Variants in LINGO2 observed in about 807,000 individuals in gnomAD.
The protein encoded by LINGO2 is leucine rich repeat and Ig domain containing 2.
A neutral mutation model predicts 30.6 loss-of-function variants in LINGO2; 14 were observed. The observed-to-expected ratio is 0.46, with a 90% CI of 0.30 to 0.72. LINGO2 has a LOEUF of 0.72. Ranked by LOEUF, LINGO2 falls within the 30% of genes least tolerant of loss-of-function variation. The pLI is 0.07. For missense variants in LINGO2, 729 were observed against 751.7 expected (o/e 0.97, Z 0.35); for synonymous variants, 317 against 288.5 (o/e 1.10, Z -1.00).
chr9:28,044,636 A>T (rs1824335270), intron 4 of LINGO2, among the ~76,000 whole-genome samples: 1 of 152,100 alleles, frequency 6.6e-6, no homozygotes, highest in Non-Finnish European at 1.5e-5. Flanking sequence ...ATGGTATGGT[A>T]GTTCTAAGTC....
At chr9:27,947,415 A>T (rs1823407284), downstream of LINGO2, among the ~76,000 whole-genome samples, 1 of 152,190 alleles carries the variant, frequency 6.6e-6, no homozygotes, top group Non-Finnish European at 1.5e-5. Context: ...TGACATATTT[A>T]TGGGGCTATA....
chr9:28,484,524 A>G (rs542237157), intron 1 of LINGO2, among the ~76,000 whole-genome samples: 1 of 152,202 alleles, frequency 6.6e-6, no homozygotes, highest in Non-Finnish European at 1.5e-5. Context: ...CTTGAATACA[A>G]AATGGCAGCC....
At chr9:28,364,837 T>C (rs1782438172) in intron 3 of LINGO2, among the ~76,000 whole-genome samples, 1 of 152,216 alleles carries the variant, frequency 6.6e-6, no homozygotes, top group Admixed American at 6.5e-5. Flanking sequence ...TTTAGATCAG[T>C]TGTTTAAAAA....
chr9:28,407,721 G>T (rs1822569951), intron 2 of LINGO2, among the ~76,000 whole-genome samples: 1 of 152,102 alleles, frequency 6.6e-6, no homozygotes, highest in African/African-American at 2.4e-5. Context: ...TATTTCAGGA[G>T]GATGCCTGAT....
rs543595497 is a variant in LINGO2 at position 28,228,164 on chromosome 9, T to C, written c.-87+67044A>G. 8.6e-4 allele frequency among the ~76,000 whole-genome samples: 131 copies of C among 152,114 alleles called. 1 individual carries two copies. The highest frequency in any genetic ancestry group is 1.5e-3 in the Non-Finnish European group (101 of 67,912). On this transcript the variant is annotated intron_variant, in intron 4 of 5. Transcript: ENST00000379992. ...GCCAGATACTCACCTAATGAGGAGT[T>C]CCTACCTTTTATAATTATCTAGTGT...
chr9:28,709,436 T>A, the LINGO2 span, among the ~76,000 whole-genome samples: 2 of 152,214 alleles, frequency 1.3e-5, no homozygotes, highest in African/African-American at 4.8e-5. Flanking sequence ...TTTAGAAAGA[T>A]AAATTTTCTT....
the LINGO2 span, among the ~76,000 whole-genome samples, chr9:29,193,537 A>G: frequency 6.6e-6 from 1 of 152,158 alleles, no homozygotes; most frequent in Non-Finnish European, 1.5e-5. Context: ...GGTATTAATA[A>G]TAAGTATAAT....
At chr9:29,189,138 C>CGGGG in the LINGO2 span, among the ~76,000 whole-genome samples, 1 of 131,632 alleles carries the variant, frequency 7.6e-6, no homozygotes, top group Non-Finnish European at 1.6e-5. Context: ...GCTGGCCGGG[C>CGGGG]GGGGGGCTGA....
intron 2 of LINGO2, among the ~76,000 whole-genome samples, chr9:28,449,650 A>G (rs940764459): frequency 3.9e-5 from 6 of 152,206 alleles, no homozygotes; most frequent in South Asian, 2.1e-4. Context: ...TTATTACCAT[A>G]CGACGAGTCT....
intron 1 of LINGO2, among the ~76,000 whole-genome samples, chr9:28,641,257 C>G (rs376016111): frequency 6.6e-6 from 1 of 152,154 alleles, no homozygotes; most frequent in South Asian, 2.1e-4. Context: ...AGGATGGTCT[C>G]GATCTCCTGA....
intron 1 of LINGO2, among the ~76,000 whole-genome samples, chr9:28,612,457 G>A (rs1259517777): frequency 1.3e-5 from 2 of 152,150 alleles, no homozygotes; most frequent in African/African-American, 4.8e-5. Flanking sequence ...GGGGGGCTAT[G>A]TCCTGGAAAG....
chr9:27,970,576 T>C (rs915788575), intron 5 of LINGO2, among the ~76,000 whole-genome samples: 1 of 152,262 alleles, frequency 6.6e-6, no homozygotes, highest in East Asian at 1.9e-4. Context: ...TGAGTAAACA[T>C]TGATTTTTGT....
the LINGO2 span, among the ~76,000 whole-genome samples, chr9:28,963,895 T>C: frequency 6.6e-6 from 1 of 151,898 alleles, no homozygotes; most frequent in South Asian, 2.1e-4. Flanking sequence ...AATAATATAT[T>C]GTATATGTCA....
At chr9:28,569,203 T>C (rs957735403) in intron 1 of LINGO2, among the ~76,000 whole-genome samples, 9 of 152,076 alleles carry the variant, frequency 5.9e-5, no homozygotes, top group Admixed American at 5.2e-4. Context: ...AGTAAATTAG[T>C]ACTGCCATTA....
At chr9:28,189,728 G>T (rs984764489) in intron 4 of LINGO2, among the ~76,000 whole-genome samples, 1 of 151,088 alleles carries the variant, frequency 6.6e-6, no homozygotes, top group Non-Finnish European at 1.5e-5. Flanking sequence ...AGGAAGGTTG[G>T]TTCAAAAGAT....
At chr9:29,068,113 T>C in the LINGO2 span, among the ~76,000 whole-genome samples, 1 of 151,776 alleles carries the variant, frequency 6.6e-6, no homozygotes, top group Non-Finnish European at 1.5e-5. Context: ...ACAAAAGTTG[T>C]GGGAAAATAT....
At chr9:28,348,523 T>A (rs909616149) in intron 3 of LINGO2, among the ~76,000 whole-genome samples, 1 of 152,106 alleles carries the variant, frequency 6.6e-6, no homozygotes, top group Non-Finnish European at 1.5e-5. Flanking sequence ...CGCTGATTGC[T>A]AGCACAGCAG....
chr9:28,538,479 G>C (rs1028218135), intron 1 of LINGO2, among the ~76,000 whole-genome samples: 4 of 152,022 alleles, frequency 2.6e-5, no homozygotes, highest in African/African-American at 7.2e-5. Flanking sequence ...TATAAAAATA[G>C]AATGCATAAT....
intron 4 of LINGO2, among the ~76,000 whole-genome samples, chr9:28,090,896 C>T (rs989171157): frequency 6.6e-6 from 1 of 152,132 alleles, no homozygotes; most frequent in African/African-American, 2.4e-5. Context: ...GTGCAAAAAT[C>T]ACAAGCATTC....
Sources: allele counts gnomAD v4.1 joint callset (sites outside exome capture counted in the v4.1 genomes callset), GRCh38; gene constraint gnomAD v4.1.1; transcripts MANE v1.5; gene names NCBI Gene and HGNC (gene_info 2026-07-23, HGNC 2026-07-21).